Variants in PTPRD observed in about 807,000 individuals in gnomAD.
PTPRD encodes protein tyrosine phosphatase receptor type D, also known as receptor-type tyrosine-protein phosphatase delta.
In PTPRD, 34 loss-of-function variants were observed where a neutral mutation model predicts 214.5. The ratio of observed to expected loss-of-function variants is 0.16; its 90% confidence interval spans 0.12 to 0.21. The LOEUF (loss-of-function observed/expected upper bound fraction) is 0.21, where lower values mean the gene tolerates loss of function less well. Ranked by LOEUF, PTPRD falls within the 10% of genes least tolerant of loss-of-function variation. The pLI is 1.00. For missense variants in PTPRD, 2,545 were observed against 2,398.7 expected, an observed-to-expected ratio of 1.06 and a Z score of -1.27; for synonymous variants, 1,128 against 845.7, an observed-to-expected ratio of 1.33 and a Z score of -5.79.
intron 8 of PTPRD, among the ~76,000 whole-genome samples, chr9:9,512,132 A>C (rs2154245704): frequency 6.6e-6 from 1 of 151,928 alleles, no homozygotes; most frequent in African/African-American, 2.4e-5. Context: ...GAAACAGCTA[A>C]GGACTTGTTG....
At chr9:9,927,876 G>A (rs1430133711) in intron 5 of PTPRD, among the ~76,000 whole-genome samples, 2 of 152,024 alleles carry the variant, frequency 1.3e-5, no homozygotes, top group Admixed American at 6.6e-5. Flanking sequence ...TAAAGGACAC[G>A]GGAAGAAAAT....
chr9:9,251,693 C>A (rs1346609266), intron 9 of PTPRD, among the ~76,000 whole-genome samples: 1 of 152,008 alleles, frequency 6.6e-6, no homozygotes, highest in African/African-American at 2.4e-5. Flanking sequence ...GTCTTCTCTT[C>A]ATTTGTGTCC....
intron 10 of PTPRD, among the ~76,000 whole-genome samples, chr9:9,087,953 C>T (rs1359221781): frequency 8.3e-6 from 1 of 121,100 alleles, no homozygotes; most frequent in Non-Finnish European, 1.6e-5. Flanking sequence ...GTGGCATTAG[C>T]TCACTGAAAC....
At chr9:9,692,476 A>G (rs1362261037) in intron 7 of PTPRD, among the ~76,000 whole-genome samples, 1 of 151,810 alleles carries the variant, frequency 6.6e-6, no homozygotes, top group Non-Finnish European at 1.5e-5. Context: ...ATTCTATTCC[A>G]TTAGTTTATG....
intron 12 of PTPRD, among the ~76,000 whole-genome samples, chr9:8,729,380 G>T (rs1457034000): frequency 6.6e-6 from 1 of 151,822 alleles, no homozygotes; most frequent in Non-Finnish European, 1.5e-5. Context: ...GCAAGCTGGA[G>T]ACTTTAACTT....
At chr9:9,854,712 C>G (rs899339385) in intron 5 of PTPRD, among the ~76,000 whole-genome samples, 9 of 151,454 alleles carry the variant, frequency 5.9e-5, no homozygotes, top group Admixed American at 5.3e-4. Flanking sequence ...TTTTTTAAAT[C>G]CCTTTCAACT....
chr9:10,122,475 T>C (rs535014533), intron 3 of PTPRD, among the ~76,000 whole-genome samples: 22 of 152,124 alleles, frequency 1.4e-4, no homozygotes, highest in Non-Finnish European at 2.8e-4. Context: ...AGATGTTTAA[T>C]TAAGGACAAT....
At chr9:8,454,844 G>A (rs2096120681) in intron 33 of PTPRD, among the ~76,000 whole-genome samples, 2 of 144,010 alleles carry the variant, frequency 1.4e-5, no homozygotes, top group South Asian at 4.5e-4. Context: ...GTGTGTGTGT[G>A]TGTGAATGCC....
chr9:9,860,845 A>T (rs1000301769), intron 5 of PTPRD, among the ~76,000 whole-genome samples: 1 of 152,120 alleles, frequency 6.6e-6, no homozygotes, highest in African/African-American at 2.4e-5. Flanking sequence ...CAAAACAGAG[A>T]TGTTGGTTTT....
chr9:10,414,171 C>A (rs1044977002), intron 2 of PTPRD, among the ~76,000 whole-genome samples: 1 of 151,836 alleles, frequency 6.6e-6, no homozygotes, highest in African/African-American at 2.4e-5. Flanking sequence ...AAGAGACAAC[C>A]TACAGAATGG....
intron 3 of PTPRD, among the ~76,000 whole-genome samples, chr9:10,133,649 T>C (rs1266802006): frequency 6.6e-6 from 1 of 152,058 alleles, no homozygotes; most frequent in African/African-American, 2.4e-5. Flanking sequence ...ATAATAAAAG[T>C]AAATAATATG....
intron 5 of PTPRD, among the ~76,000 whole-genome samples, chr9:9,925,765 T>C (rs899212513): frequency 7.9e-5 from 12 of 152,160 alleles, no homozygotes; most frequent in African/African-American, 1.9e-4. Flanking sequence ...CTTTGTTTCA[T>C]TGTAATGCTA....
At chr9:10,387,831 T>TC (rs2097952898) in intron 2 of PTPRD, among the ~76,000 whole-genome samples, 1 of 143,540 alleles carries the variant, frequency 7.0e-6, no homozygotes, top group Non-Finnish European at 1.5e-5. Context: ...TTTTTTTTTT[T>TC]TTTTTTTTTT....
At chr9:9,705,959 C>T (rs1033992501) in intron 7 of PTPRD, among the ~76,000 whole-genome samples, 1 of 152,102 alleles carries the variant, frequency 6.6e-6, no homozygotes, top group Non-Finnish European at 1.5e-5. Context: ...GTCTACATAG[C>T]TCCTGGGCCA....
At chr9:8,687,748 T>A (rs1597028996) in intron 12 of PTPRD, among the ~76,000 whole-genome samples, 2 of 152,234 alleles carry the variant, frequency 1.3e-5, no homozygotes, top group East Asian at 3.9e-4. Context: ...AGAGTTTTTT[T>A]TTTTTTCTCA....
chr9:10,405,455 G>C (rs1171885456), intron 2 of PTPRD, among the ~76,000 whole-genome samples: 1 of 151,606 alleles, frequency 6.6e-6, no homozygotes, highest in Non-Finnish European at 1.5e-5. Context: ...CAGTATAGTA[G>C]AGCAAGGGTT....
At chr9:9,845,120 C>A (rs59506939) in intron 5 of PTPRD, among the ~76,000 whole-genome samples, 8 of 25,240 alleles carry the variant, frequency 3.2e-4, no homozygotes, top group South Asian at 4.3e-3. Flanking sequence ...ATATATTGCT[C>A]TATATATAGA....
At chr9:8,816,330 A>C (rs1375663901) in intron 11 of PTPRD, among the ~76,000 whole-genome samples, 2 of 152,178 alleles carry the variant, frequency 1.3e-5, no homozygotes, top group African/African-American at 2.4e-5. Context: ...ATCACTGTAT[A>C]CAGAAGAACA....
intron 7 of PTPRD, among the ~76,000 whole-genome samples, chr9:9,596,752 A>G (rs1478018689): frequency 2.0e-5 from 3 of 152,168 alleles, no homozygotes; most frequent in Admixed American, 6.6e-5. Context: ...GAAGGAGGCA[A>G]TGAATTGAAA....
Sources: gnomAD v4.1 joint callset for allele counts (sites outside exome capture counted in the v4.1 genomes callset) on GRCh38, gnomAD v4.1.1 for gene constraint, MANE v1.5 for transcripts, NCBI Gene and HGNC (gene_info 2026-07-23, HGNC 2026-07-21) for gene names.